The following RPS6KA6 variants were observed in gnomAD, a reference collection of about 807,000 sequenced individuals.
RPS6KA6 encodes the protein ribosomal protein S6 kinase alpha-6.
A neutral mutation model predicts 65.4 loss-of-function variants in RPS6KA6; 27 were observed. The observed-to-expected ratio is 0.41, with a 90% confidence interval of 0.30 to 0.57. The LOEUF (loss-of-function observed/expected upper bound fraction) is 0.57. RPS6KA6 is among the 20% of genes least tolerant of loss of function. The pLI, the probability that RPS6KA6 is intolerant of heterozygous loss-of-function variation, is 0.24. For missense variants in RPS6KA6, 486 were observed against 555.6 expected (o/e 0.87, Z 1.26); for synonymous variants, 190 against 184.2 (o/e 1.03, Z -0.26).
intron 3 of RPS6KA6, among the ~76,000 whole-genome samples, chrX:84,151,042 T>C (rs2035305240): frequency 1.1e-5 from 1 of 93,223 alleles, no homozygotes; most frequent in Non-Finnish European, 2.1e-5. Context: ...AGAGGATATA[T>C]ATATAGAGGA....
chrX:84,186,050 C>T (rs2035924639), intron 1 of RPS6KA6: 1 of 510,103 alleles, frequency 2.0e-6, no homozygotes, highest in South Asian at 2.5e-5. Context: ...ATACTATCTT[C>T]ACCACATTAC....
At chrX:84,088,769 G>A (rs755956526) in intron 20 of RPS6KA6, among the ~76,000 whole-genome samples, 7 of 112,194 alleles carry the variant, frequency 6.2e-5, no homozygotes, top group South Asian at 7.6e-4. Flanking sequence ...CCCCTTCCCC[G>A]GGGGCCCTAC....
At chrX:84,091,520 A>G (rs1450804735) in intron 20 of RPS6KA6, among the ~76,000 whole-genome samples, 1 of 112,324 alleles carries the variant, frequency 8.9e-6, no homozygotes, top group Non-Finnish European at 1.9e-5. Context: ...GGAAAACAGT[A>G]GAGGAAAAGT....
intron 12 of RPS6KA6, 147 bp downstream of exon 12, chrX:84,116,082 A>G: frequency 2.7e-6 from 1 of 367,631 alleles, no homozygotes; most frequent in East Asian, 5.4e-5. Flanking sequence ...GCACCCCCAG[A>G]TCTAAATTAT....
At chrX:84,161,071 T>A (rs1354425473) in intron 2 of RPS6KA6, among the ~76,000 whole-genome samples, 1 of 111,058 alleles carries the variant, frequency 9.0e-6, no homozygotes, top group Non-Finnish European at 1.9e-5. Context: ...GTTATAAGGA[T>A]CAACTGAGAA....
At chrX:84,116,953 C>A in intron 11 of RPS6KA6, 107 bp downstream of exon 11, 1 of 475,905 alleles carries the variant, frequency 2.1e-6, no homozygotes, top group East Asian at 4.1e-5. Context: ...ATGAAAAATT[C>A]TACGTATAGA....
chrX:84,063,664 T>G lies in RPS6KA6; in HGVS notation c.*613A>C, dbSNP rs1473776529. 1 of 112,056 alleles carries G rather than the reference T, an allele frequency of 8.9e-6. No individual in the cohort carries two copies. Among genetic ancestry groups the G allele is most frequent in the East Asian group, 2.8e-4 (1 of 3,609 alleles). The allele number at this position is 112,056 out of a possible 1,213,427, so 9.2% of individuals were successfully genotyped here. Reference sequence around the variant, plus strand: ...CCTGCACACATTATCTGAGATATAATTCTTCTATAAAAACTTTGGCACCAA... The same window carrying G: ...CCTGCACACATTATCTGAGATATAAGTCTTCTATAAAAACTTTGGCACCAA... On this transcript the variant is annotated 3_prime_UTR_variant, in exon 22 of 22. Transcript: ENST00000262752.
At chrX:84,135,789 G>A (rs1429365708) in intron 6 of RPS6KA6, among the ~76,000 whole-genome samples, 3 of 111,259 alleles carry the variant, frequency 2.7e-5, no homozygotes, top group African/African-American at 9.8e-5. Context: ...GACCTAAGGG[G>A]TGGATCCAAG....
intron 8 of RPS6KA6, among the ~76,000 whole-genome samples, chrX:84,125,776 C>T (rs1387449388): frequency 2.7e-5 from 3 of 110,330 alleles, no homozygotes; most frequent in African/African-American, 9.9e-5. Context: ...ATGGCGTGAA[C>T]CCGGGAGGTG....
rs2033250375 is a variant in RPS6KA6, at chrX:84,058,807, C to A, written c.*5470G>T. The A allele has an allele frequency of 9.0e-6, 1 of 111,079 alleles. No individual in the cohort carries two copies. The highest frequency in any genetic ancestry group is 1.9e-5 in the Non-Finnish European group (1 of 53,063). 9.2% of individuals were successfully genotyped at this position (111,079 alleles called of 1,213,427 possible). ...AGTCTTCAGAAATGCAATGAAATGT[C>A]AGTATATACATATATATTTAATATC... On this transcript the variant is annotated 3_prime_UTR_variant, in exon 22 of 22. Coordinates refer to ENST00000262752, the MANE Select transcript of RPS6KA6 (RefSeq NM_014496.5).
chrX:84,135,165 C>A lies in RPS6KA6; in HGVS notation c.547G>T (p.Ala183Ser). ...TGGTGCAGATGATCCAAAGCAAGGG[C>A]CAGTTCTGCGAGGTAGAATTTCACA... ...EDVKFYLAEL[A>S]LALDHLHQLG... Residue 183 changes from alanine to serine, a missense_variant, in exon 7 of 22, where the codon GCC (alanine) becomes TCC (serine). By Grantham distance (99) the Ala-to-Ser change is moderately conservative. This residue lies in a region of RPS6KA6 where 35 missense variants were observed against 75.5 expected (regional missense o/e 0.46). Transcript: ENST00000262752. The A allele has an allele frequency of 1.7e-6, 2 of 1,205,914 alleles. No individual in the cohort carries two copies. The highest frequency in any genetic ancestry group is 1.8e-5 in the South Asian group (1 of 56,433).
chrX:84,155,875 C>A lies in RPS6KA6; in HGVS notation c.258+200G>T, dbSNP rs557490509. Among the ~76,000 whole-genome samples, 13 of 111,738 alleles carry A rather than the reference C, an allele frequency of 1.2e-4. No homozygotes were observed. The South Asian group carries it at 4.5e-3, about 38-fold the overall frequency. ...TCAGTAAGCCTAGGGAATTGGAAAA[C>A]CTTGATTGTTACAGAGAAGTACAAA... On this transcript the variant is annotated intron_variant, in intron 3 of 21. Coordinates refer to ENST00000262752, the MANE Select transcript of RPS6KA6 (RefSeq NM_014496.5).
In RPS6KA6 at chrX:84,065,032, G is replaced by A. The variant is rs1257150789; in HGVS notation, c.2051C>T (p.Thr684Ile). Reference sequence around the variant, plus strand: ...ATCATTTGGCAACTGGTCTCTGTGAGTTATCCATGAGTGCTTTAATATTTG... The same window carrying A: ...ATCATTTGGCAACTGGTCTCTGTGAATTATCCATGAGTGCTTTAATATTTG... ...AEQILKHSWITHRDQLPNDQP... is the reference protein window; with the variant it reads ...AEQILKHSWIIHRDQLPNDQP... The change falls in exon 21 of 22, where the codon ACT (threonine) becomes ATT (isoleucine). Residue 684 changes from threonine to isoleucine, a missense_variant. Thr to Ile is a moderately conservative substitution (Grantham distance 89). Coordinates refer to ENST00000262752, the MANE Select transcript of RPS6KA6 (RefSeq NM_014496.5). The A allele has an allele frequency of 8.3e-7, 1 of 1,199,631 alleles. No homozygotes were observed. Among genetic ancestry groups the A allele is most frequent in the African/African-American group, 1.8e-5 (1 of 56,597 alleles).
chrX:84,174,165 T>A (rs2147632414), intron 1 of RPS6KA6, among the ~76,000 whole-genome samples: 1 of 111,960 alleles, frequency 8.9e-6, no homozygotes, highest in African/African-American at 3.2e-5. Context: ...CAAAGGTTTA[T>A]TAATATCTAT....
chrX:84,081,822 T>A (rs1225227044), intron 20 of RPS6KA6, among the ~76,000 whole-genome samples: 1 of 112,095 alleles, frequency 8.9e-6, no homozygotes, highest in African/African-American at 3.2e-5. Flanking sequence ...ATCCATCACA[T>A]AAACAGAACC....
At chrX:84,179,881 C>T (rs1038477589) in intron 1 of RPS6KA6, among the ~76,000 whole-genome samples, 6 of 112,056 alleles carry the variant, frequency 5.4e-5, no homozygotes, top group African/African-American at 1.3e-4. Flanking sequence ...CAACAGCATT[C>T]ATTCATCACT....
At chrX:84,086,095 G>T (rs1255869434) in intron 20 of RPS6KA6, among the ~76,000 whole-genome samples, 1 of 110,159 alleles carries the variant, frequency 9.1e-6, no homozygotes, top group Non-Finnish European at 1.9e-5. Flanking sequence ...TATTAATTTT[G>T]TTTTTTAAAA....
rs34846684 is a variant in RPS6KA6 at position 84,059,618 on chromosome X, A to AT, written c.*4658dup. 9.0e-6 allele frequency: 1 copy of AT among 110,940 alleles called. No homozygotes were observed. The highest frequency in any genetic ancestry group is 1.9e-5 in the Non-Finnish European group (1 of 52,960). The allele number at this position is 110,940 out of a possible 1,213,427, so 9.1% of individuals were successfully genotyped here. On this transcript the variant is annotated 3_prime_UTR_variant, in exon 22 of 22. Coordinates refer to ENST00000262752, the MANE Select transcript of RPS6KA6 (RefSeq NM_014496.5). ...TAACCTAATCAGTCACATTTTGACA[A>AT]TTTTTTAATAAACGAATGCAGTTAG...
chrX:84,134,691 AAG>A, intron 8 of RPS6KA6, 89 bp downstream of exon 8: 2 of 569,400 alleles, frequency 3.5e-6, no homozygotes, highest in Non-Finnish European at 5.5e-6. Context: ...CAAATTCAGA[AAG>A]AGAAAAAAAC....
Sources: allele counts gnomAD v4.1 joint callset (sites outside exome capture counted in the v4.1 genomes callset), GRCh38; gene constraint gnomAD v4.1.1; regional missense constraint gnomAD v4.1.1; transcripts MANE v1.5; gene names NCBI Gene and HGNC (gene_info 2026-07-23, HGNC 2026-07-21).